The following AFG2A variants were observed in gnomAD, a reference collection of about 807,000 sequenced individuals.
AFG2A encodes AAA ATPase AFG2A, also known as ATPase family gene 2 protein homolog A.
At chr4:122,948,916 A>G in the AFG2A span, among the ~76,000 whole-genome samples, 3 of 152,222 alleles carry the variant, frequency 2.0e-5, no homozygotes, top group Non-Finnish European at 2.9e-5. Context: ...GTGGAGGAGC[A>G]TTGCAGCCAG....
At chr4:123,136,770 A>G in the AFG2A span, among the ~76,000 whole-genome samples, 31 of 151,230 alleles carry the variant, frequency 2.0e-4, no homozygotes, top group African/African-American at 7.5e-4. Context: ...TGAACCCAGG[A>G]GGCAGAGGTT....
At chr4:122,948,533 G>A in the AFG2A span, among the ~76,000 whole-genome samples, 1 of 151,928 alleles carries the variant, frequency 6.6e-6, no homozygotes, top group Non-Finnish European at 1.5e-5. Context: ...GTAAACTGGA[G>A]AATCACAATT....
chr4:122,939,535 T>G, the AFG2A span, among the ~76,000 whole-genome samples: 2 of 152,184 alleles, frequency 1.3e-5, no homozygotes, highest in African/African-American at 4.8e-5. Context: ...TATGAATAAG[T>G]AAAGTTTTTA....
the AFG2A span, among the ~76,000 whole-genome samples, chr4:123,265,533 A>G: frequency 1.4e-4 from 21 of 152,274 alleles, no homozygotes; most frequent in Admixed American, 5.9e-4. Context: ...TTTACACCAA[A>G]GCTAATCATA....
chr4:123,190,754 A>G, the AFG2A span, among the ~76,000 whole-genome samples: 2 of 152,178 alleles, frequency 1.3e-5, no homozygotes, highest in Non-Finnish European at 2.9e-5. Context: ...TTCATTATTC[A>G]TATTTTTTAA....
chr4:122,979,173 A>G, the AFG2A span: 4 of 1,566,156 alleles, frequency 2.6e-6, no homozygotes, highest in East Asian at 2.3e-5. Flanking sequence ...GGAGCCATCA[A>G]TTCAGTCTGT....
the AFG2A span, among the ~76,000 whole-genome samples, chr4:123,023,970 A>G: frequency 6.6e-6 from 1 of 151,940 alleles, no homozygotes; most frequent in Admixed American, 6.6e-5. Flanking sequence ...CGCATGCCTG[A>G]TGAGAGACAA....
the AFG2A span, among the ~76,000 whole-genome samples, chr4:123,186,526 T>C: frequency 6.6e-6 from 1 of 152,186 alleles, no homozygotes; most frequent in African/African-American, 2.4e-5. Context: ...AGGTAGGAAA[T>C]GCTCTTCTCA....
the AFG2A span, chr4:122,947,276 G>A: frequency 1.2e-5 from 19 of 1,609,966 alleles, no homozygotes; most frequent in African/African-American, 5.4e-5. Context: ...GCCACAAATC[G>A]CCCTCATGCC....
chr4:123,255,118 C>G, the AFG2A span, among the ~76,000 whole-genome samples: 2 of 152,172 alleles, frequency 1.3e-5, no homozygotes, highest in Non-Finnish European at 2.9e-5. Flanking sequence ...CATGCACCAC[C>G]GTGCCCAGCT....
At chr4:123,007,735 T>C in the AFG2A span, among the ~76,000 whole-genome samples, 1 of 151,214 alleles carries the variant, frequency 6.6e-6, no homozygotes, top group Admixed American at 6.6e-5. Context: ...TCCAGTACTC[T>C]ACCCTGCAAA....
the AFG2A span, among the ~76,000 whole-genome samples, chr4:122,944,739 GCT>G: frequency 2.0e-5 from 3 of 152,094 alleles, no homozygotes; most frequent in Non-Finnish European, 4.4e-5. Flanking sequence ...CAGTTTTTCT[GCT>G]CTGTTTTTTC....
chr4:123,155,439 T>C, the AFG2A span, among the ~76,000 whole-genome samples: 1 of 152,140 alleles, frequency 6.6e-6, no homozygotes, highest in African/African-American at 2.4e-5. Flanking sequence ...CCCTGTCTTC[T>C]TTTCCTCCAC....
At chr4:123,152,078 G>A in the AFG2A span, among the ~76,000 whole-genome samples, 1 of 150,518 alleles carries the variant, frequency 6.6e-6, no homozygotes, top group Non-Finnish European at 1.5e-5. Context: ...GTTGAACAAT[G>A]AGAACACATG....
the AFG2A span, among the ~76,000 whole-genome samples, chr4:123,145,150 T>C: frequency 5.9e-5 from 9 of 152,026 alleles, no homozygotes; most frequent in Admixed American, 2.0e-4. Context: ...TTTTAAAAAA[T>C]AATTAATAAT....
chr4:122,987,607 A>T, the AFG2A span, among the ~76,000 whole-genome samples: 2 of 150,352 alleles, frequency 1.3e-5, no homozygotes, highest in Non-Finnish European at 3.0e-5. Flanking sequence ...CTTTGTGATT[A>T]CTCTGAGGCT....
At chr4:123,304,702 A>G in the AFG2A span, among the ~76,000 whole-genome samples, 5 of 152,224 alleles carry the variant, frequency 3.3e-5, no homozygotes, top group Admixed American at 1.3e-4. Flanking sequence ...TCAAATACAA[A>G]GAAGCTGAGA....
At chr4:123,293,116 A>G in the AFG2A span, among the ~76,000 whole-genome samples, 2 of 152,156 alleles carry the variant, frequency 1.3e-5, no homozygotes, top group African/African-American at 2.4e-5. Context: ...AAATGCTGAC[A>G]TTCATGTAGA....
chr4:123,217,504 G>C, the AFG2A span, among the ~76,000 whole-genome samples: 1 of 152,168 alleles, frequency 6.6e-6, no homozygotes, highest in Non-Finnish European at 1.5e-5. Flanking sequence ...TGATTCAACA[G>C]TTTTATTTTT....
Sources: gnomAD v4.1 joint callset for allele counts (sites outside exome capture counted in the v4.1 genomes callset) on GRCh38, gnomAD v4.1.1 for gene constraint, MANE v1.5 for transcripts, NCBI Gene and HGNC (gene_info 2026-07-23, HGNC 2026-07-21) for gene names.